Variants in PIAS2 observed in about 807,000 individuals in gnomAD.
The protein encoded by PIAS2 is protein inhibitor of activated STAT 2, also known as E3 SUMO-protein ligase PIAS2.
In PIAS2, 19 loss-of-function variants were observed where a neutral mutation model predicts 69.7. The observed-to-expected ratio is 0.27, with a 90% confidence interval of 0.19 to 0.40. The LOEUF (loss-of-function observed/expected upper bound fraction) is 0.40, where lower values mean the gene tolerates loss of function less well. PIAS2 is among the 10% of genes least tolerant of loss of function. The pLI, the probability that PIAS2 is intolerant of heterozygous loss-of-function variation, is 1.00. For missense variants in PIAS2, 624 were observed against 757.0 expected (o/e 0.82, Z 2.06); for synonymous variants, 261 against 263.2 (o/e 0.99, Z 0.08).
At chr18:46,890,495 A>G (rs1319121002) in intron 2 of PIAS2, 85 bp downstream of exon 2, 2 of 866,108 alleles carry the variant, frequency 2.3e-6, no homozygotes, top group Middle Eastern at 3.2e-4. Context: ...TCACTATATT[A>G]ACAGCACATC....
At chr18:46,826,293 G>A (rs868489689) in intron 11 of PIAS2, among the ~76,000 whole-genome samples, 69 of 152,030 alleles carry the variant, frequency 4.5e-4, no homozygotes, top group Middle Eastern at 3.4e-3. Context: ...AGATTTTGTC[G>A]CCCACTGTGT....
intron 1 of PIAS2, 153 bp downstream of exon 1, chr18:46,917,169 G>T: frequency 2.7e-6 from 3 of 1,111,230 alleles, no homozygotes; most frequent in Non-Finnish European, 2.2e-6. Flanking sequence ...CCCCTCCCCC[G>T]CGCCCTCGGC....
intron 2 of PIAS2, among the ~76,000 whole-genome samples, chr18:46,880,867 T>C (rs984743033): frequency 3.3e-5 from 5 of 152,224 alleles, no homozygotes; most frequent in African/African-American, 9.6e-5. Flanking sequence ...TGCATCTATA[T>C]AGCAATATCC....
At chr18:46,918,264 C>T (rs1568956346), upstream of PIAS2, among the ~76,000 whole-genome samples, 2 of 152,154 alleles carry the variant, frequency 1.3e-5, no homozygotes, top group Non-Finnish European at 2.9e-5. Context: ...CCAGAAAAAT[C>T]GCTGGACGGT....
chr18:46,917,142 C>T (rs2058051954), intron 1 of PIAS2, 180 bp downstream of exon 1: 1 of 1,030,020 alleles, frequency 9.7e-7, no homozygotes, highest in Middle Eastern at 4.7e-4. Context: ...CGCCCGCGTG[C>T]CCTCCGCCGG....
At chr18:46,920,064 G>C (rs891066215), upstream of PIAS2, 1 of 1,289,588 alleles carries the variant, frequency 7.8e-7, no homozygotes, top group Non-Finnish European at 1.0e-6. Context: ...CTTACGTGCA[G>C]TGTTCTTTGT....
chr18:46,876,952 A>G (rs1416376270), intron 2 of PIAS2, among the ~76,000 whole-genome samples: 1 of 152,134 alleles, frequency 6.6e-6, no homozygotes, highest in African/African-American at 2.4e-5. Context: ...CACCTGCCTC[A>G]GCCTCCCAAA....
Position 46,810,736 on chromosome 18 carries a change from G to C in PIAS2, c.*1697C>G, listed in dbSNP as rs934758411. On this transcript the variant is annotated 3_prime_UTR_variant, in exon 14 of 14. Coordinates refer to ENST00000585916, the MANE Select transcript of PIAS2 (RefSeq NM_004671.5). ...AAAGGCCATGGAAACTTGAGAAGGT[G>C]AAAGAAAAAAAAAAAAAACCCCAAG... 1 of 144,552 alleles carries C rather than the reference G, an allele frequency of 6.9e-6. No individual in the cohort carries two copies. Among genetic ancestry groups the C allele is most frequent in the South Asian group, 2.2e-4 (1 of 4,570 alleles). The allele number at this position is 144,552 out of a possible 1,614,324, so 9.0% of individuals were successfully genotyped here.
chr18:46,885,894 GAA>G (rs962456046), intron 2 of PIAS2, among the ~76,000 whole-genome samples: 69 of 152,246 alleles, frequency 4.5e-4, no homozygotes, highest in African/African-American at 1.6e-3. Flanking sequence ...CACCAAATAT[GAA>G]AAGTTTTATT....
chr18:46,850,117 A>G (rs2046747935), intron 5 of PIAS2, among the ~76,000 whole-genome samples: 1 of 152,212 alleles, frequency 6.6e-6, no homozygotes, highest in Admixed American at 6.5e-5. Flanking sequence ...ATACAAAAAT[A>G]GAGAAAAAAG....
intron 5 of PIAS2, 72 bp from the exon 6 acceptor site, chr18:46,846,913 A>G (rs545157074): frequency 8.1e-6 from 11 of 1,361,356 alleles, no homozygotes; most frequent in South Asian, 3.7e-5. Flanking sequence ...CAAGATAGAT[A>G]CAGGATCCTG....
intron 2 of PIAS2, among the ~76,000 whole-genome samples, chr18:46,867,512 T>G (rs1198846163): frequency 1.3e-5 from 2 of 152,232 alleles, no homozygotes; most frequent in African/African-American, 4.8e-5. Flanking sequence ...GTTTTGCAGT[T>G]TATTTTCTCC....
chr18:46,916,533 A>G (rs550996230), intron 1 of PIAS2, among the ~76,000 whole-genome samples: 12 of 152,196 alleles, frequency 7.9e-5, no homozygotes, highest in Admixed American at 5.2e-4. Context: ...GTCTGGGGGG[A>G]AAAAGTCTCT....
At chr18:46,818,380 CTGTTGCACAGTATCAGAAGA>C (rs1345955604) in intron 12 of PIAS2, 7 of 1,573,104 alleles carry the variant, frequency 4.4e-6, no homozygotes, top group African/African-American at 1.4e-5. Context: ...TTTGTATTCA[CTGTTGCACAGTATCAGAAGA>C]TGTTCCAAGC....
At chr18:46,857,990 T>C (rs532991526) in intron 3 of PIAS2, among the ~76,000 whole-genome samples, 1 of 152,208 alleles carries the variant, frequency 6.6e-6, no homozygotes, top group South Asian at 2.1e-4. Context: ...AATAAGTACA[T>C]GGCACAGTGA....
chr18:46,826,334 T>C (rs1301208180), intron 11 of PIAS2, among the ~76,000 whole-genome samples: 2 of 152,316 alleles, frequency 1.3e-5, no homozygotes, highest in East Asian at 1.9e-4. Context: ...CATGGACTTA[T>C]CAAACACAGA....
chr18:46,841,714 A>C (rs1304950861), intron 8 of PIAS2, among the ~76,000 whole-genome samples: 1 of 152,240 alleles, frequency 6.6e-6, no homozygotes, highest in East Asian at 1.9e-4. Context: ...AAAAGCTCAA[A>C]AGACAGTCTC....
At position 46,809,234 on chromosome 18, in the gene PIAS2, C is replaced by G. The variant is rs374464401; in HGVS notation, c.*3199G>C. 6.6e-6 allele frequency: 1 copy of G among 152,290 alleles called. No homozygotes were observed. Among genetic ancestry groups the G allele is most frequent in the South Asian group, 2.1e-4 (1 of 4,816 alleles). 9.4% of individuals were successfully genotyped at this position (152,290 alleles called of 1,614,324 possible). ...CATTACCAGATAAATGCCATATAAC[C>G]TAAATTCACCTCAATGCTTTCATTT... On this transcript the variant is annotated 3_prime_UTR_variant, in exon 14 of 14. Transcript: ENST00000585916.
At chr18:46,862,246 G>T (rs547404700) in intron 3 of PIAS2, among the ~76,000 whole-genome samples, 2 of 152,172 alleles carry the variant, frequency 1.3e-5, no homozygotes, top group East Asian at 1.9e-4. Flanking sequence ...CAGGAGAATC[G>T]CCTGAAACCG....
Sources: allele counts gnomAD v4.1 joint callset (sites outside exome capture counted in the v4.1 genomes callset), GRCh38; gene constraint gnomAD v4.1.1; transcripts MANE v1.5; gene names NCBI Gene and HGNC (gene_info 2026-07-23, HGNC 2026-07-21).